CNTNAP4: variants seen among roughly 807,000 people sequenced by gnomAD.
The protein encoded by CNTNAP4 is contactin-associated protein-like 4.
Under a neutral mutation model 148.4 loss-of-function variants are expected in CNTNAP4, and 98 were observed. The ratio of observed to expected loss-of-function variants is 0.66; its 90% confidence interval spans 0.56 to 0.78. The LOEUF (loss-of-function observed/expected upper bound fraction) is 0.78. Among genes scored for constraint, CNTNAP4 ranks in the 30% least tolerant of loss-of-function variants. The pLI is 0.00. For missense variants in CNTNAP4, 1,935 were observed against 1,565.6 expected, an observed-to-expected ratio of 1.24 and a Z score of -3.98; for synonymous variants, 730 against 565.1, an observed-to-expected ratio of 1.29 and a Z score of -4.14.
At chr16:76,331,132 T>C (rs1045921360) in intron 2 of CNTNAP4, among the ~76,000 whole-genome samples, 30 of 152,062 alleles carry the variant, frequency 2.0e-4, no homozygotes, top group African/African-American at 7.0e-4. Context: ...TTGATTTTTT[T>C]TTTTGTGGTC....
At chr16:76,374,781 T>TTATTATTAG (rs2015244950) in intron 3 of CNTNAP4, among the ~76,000 whole-genome samples, 2 of 149,568 alleles carry the variant, frequency 1.3e-5, no homozygotes, top group Non-Finnish European at 3.0e-5. Flanking sequence ...ATTATTATTA[T>TTATTATTAG]TATTTGAGAG....
intron 23 of CNTNAP4, among the ~76,000 whole-genome samples, chr16:76,557,003 A>G (rs1454149149): frequency 6.6e-6 from 1 of 152,176 alleles, no homozygotes; most frequent in East Asian, 1.9e-4. Context: ...ACAGTTGTAT[A>G]CATTTGCTTT....
Position 76,448,120 on chromosome 16 carries a change from A to G in CNTNAP4, c.647A>G (p.Gln216Arg), listed in dbSNP as rs1479972556. The change falls in exon 5 of 24, where the codon CAG (glutamine) becomes CGG (arginine). Residue 216 changes from glutamine to arginine, a missense_variant. By Grantham distance (43) the Gln-to-Arg change is conservative. Transcript: ENST00000611870. ...ATTTCTTTGAAATTCAAAACCATGC[A>G]GAGTGATGGGATTCTACTCCACAGG... ...DIISLKFKTM[Q>R]SDGILLHREG... 2 of 1,613,440 alleles carry G rather than the reference A, an allele frequency of 1.2e-6. No homozygotes were observed. The highest frequency in any genetic ancestry group is 1.1e-5 in the South Asian group (1 of 91,080).
chr16:76,513,875 C>G (rs574069114), intron 15 of CNTNAP4, among the ~76,000 whole-genome samples: 41 of 152,248 alleles, frequency 2.7e-4, no homozygotes, highest in Admixed American at 2.2e-3. Context: ...CAATAAAAAG[C>G]TCAAAATTCT....
At chr16:76,512,042 G>T (rs1015342356) in intron 15 of CNTNAP4, among the ~76,000 whole-genome samples, 13 of 152,188 alleles carry the variant, frequency 8.5e-5, no homozygotes, top group East Asian at 3.9e-4. Context: ...ACCTTTGGAA[G>T]AGTACTCTAC....
At chr16:76,433,037 A>C (rs2079666872) in intron 4 of CNTNAP4, among the ~76,000 whole-genome samples, 1 of 152,122 alleles carries the variant, frequency 6.6e-6, no homozygotes, top group South Asian at 2.1e-4. Context: ...CAACTTCTCT[A>C]ATACCCCACA....
chr16:76,472,340 T>C (rs1411811064), intron 10 of CNTNAP4, among the ~76,000 whole-genome samples: 1 of 152,018 alleles, frequency 6.6e-6, no homozygotes, highest in Admixed American at 6.6e-5. Flanking sequence ...AAAAATCTAG[T>C]CTAACAAGAA....
At chr16:76,300,485 C>T (rs993615290) in intron 1 of CNTNAP4, among the ~76,000 whole-genome samples, 7 of 151,994 alleles carry the variant, frequency 4.6e-5, no homozygotes, top group African/African-American at 9.7e-5. Flanking sequence ...CACCATGGCA[C>T]GTGTATACCT....
intron 10 of CNTNAP4, among the ~76,000 whole-genome samples, chr16:76,473,599 C>T (rs1255423871): frequency 6.6e-6 from 1 of 151,940 alleles, no homozygotes; most frequent in South Asian, 2.1e-4. Context: ...TGGTGAAGCC[C>T]CGTCTCTACT....
At chr16:76,524,135 G>A (rs751058356) in intron 17 of CNTNAP4, among the ~76,000 whole-genome samples, 4 of 152,026 alleles carry the variant, frequency 2.6e-5, no homozygotes, top group Non-Finnish European at 5.9e-5. Flanking sequence ...TTACTGTTTT[G>A]ATAATTTATT....
chr16:76,417,141 C>T (rs184952541), intron 3 of CNTNAP4, among the ~76,000 whole-genome samples: 4 of 151,276 alleles, frequency 2.6e-5, no homozygotes, highest in African/African-American at 7.3e-5. Context: ...ATAGCTGGGC[C>T]TACTCTTTCT....
At chr16:76,550,820 T>C (rs536655920) in intron 21 of CNTNAP4, among the ~76,000 whole-genome samples, 1 of 152,146 alleles carries the variant, frequency 6.6e-6, no homozygotes, top group African/African-American at 2.4e-5. Flanking sequence ...TCCTATATAA[T>C]GACGTTATGC....
At chr16:76,442,855 C>G (rs946605497) in intron 4 of CNTNAP4, among the ~76,000 whole-genome samples, 1 of 152,084 alleles carries the variant, frequency 6.6e-6, no homozygotes, top group Non-Finnish European at 1.5e-5. Context: ...CAAACCACAT[C>G]CATACCATGG....
chr16:76,422,424 A>G (rs939237931), intron 3 of CNTNAP4, among the ~76,000 whole-genome samples: 1 of 152,340 alleles, frequency 6.6e-6, no homozygotes, highest in Non-Finnish European at 1.5e-5. Context: ...TTCTTTGTCT[A>G]TAAAAGTCAG....
chr16:76,478,857 A>G (rs1161145773), intron 11 of CNTNAP4, among the ~76,000 whole-genome samples: 1 of 152,092 alleles, frequency 6.6e-6, no homozygotes, highest in Non-Finnish European at 1.5e-5. Context: ...AATTACTTAA[A>G]ATTATTGATG....
chr16:76,448,133 T>C lies in CNTNAP4; in HGVS notation c.660T>C (p.Ile220=). ...TCAAAACCATGCAGAGTGATGGGAT[T>C]CTACTCCACAGGGAAGGGCCAAATG... ...LKFKTMQSDG[I]LLHREGPNGD... Residue 220 remains isoleucine (I), a synonymous_variant, in exon 5 of 24, where the codon ATT becomes ATC. Coordinates refer to ENST00000611870, the MANE Select transcript of CNTNAP4 (RefSeq NM_033401.5). 6.2e-7 allele frequency: 1 copy of C among 1,613,490 alleles called. No individual in the cohort carries two copies. The highest frequency in any genetic ancestry group is 8.5e-7 in the Non-Finnish European group (1 of 1,179,484).
intron 10 of CNTNAP4, among the ~76,000 whole-genome samples, chr16:76,475,116 G>T (rs1217060067): frequency 3.3e-5 from 5 of 152,032 alleles, no homozygotes; most frequent in Admixed American, 3.3e-4. Flanking sequence ...GGCGGAGGTT[G>T]CAGTGAGCTG....
intron 4 of CNTNAP4, among the ~76,000 whole-genome samples, chr16:76,431,951 T>C (rs1023597283): frequency 6.6e-6 from 1 of 152,180 alleles, no homozygotes; most frequent in Non-Finnish European, 1.5e-5. Context: ...CTTTGATATA[T>C]GGAAGATTGG....
intron 2 of CNTNAP4, among the ~76,000 whole-genome samples, chr16:76,330,852 T>C (rs148698984): frequency 6.6e-6 from 1 of 152,340 alleles, no homozygotes; most frequent in Non-Finnish European, 1.5e-5. Context: ...AAGGAATGAC[T>C]ATAATTTTAG....
Sources: allele counts gnomAD v4.1 joint callset (sites outside exome capture counted in the v4.1 genomes callset), GRCh38; gene constraint gnomAD v4.1.1; transcripts MANE v1.5; gene names NCBI Gene and HGNC (gene_info 2026-07-23, HGNC 2026-07-21).